The following QNG1 variants were observed in gnomAD, a reference collection of about 807,000 sequenced individuals.
QNG1 encodes the protein Q-nucleotide N-glycosylase 1.
the QNG1 span, chr9:83,956,302 A>G: frequency 6.2e-7 from 1 of 1,614,130 alleles, no homozygotes; most frequent in South Asian, 1.1e-5. Context: ...ACGAACACCC[A>G]GTTGACCGCG....
chr9:83,948,442 C>T, the QNG1 span, among the ~76,000 whole-genome samples: 1 of 143,230 alleles, frequency 7.0e-6, no homozygotes, highest in South Asian at 2.2e-4. Flanking sequence ...GGCAGCCCCC[C>T]CGCCCGGCCA....
chr9:83,948,520 G>T, the QNG1 span, among the ~76,000 whole-genome samples: 1 of 140,306 alleles, frequency 7.1e-6, no homozygotes, highest in Admixed American at 7.0e-5. Context: ...GGAGGGGGGG[G>T]GCGCCTCTGC....
chr9:83,940,969 C>A, the QNG1 span, among the ~76,000 whole-genome samples: 87 of 152,324 alleles, frequency 5.7e-4, no homozygotes, highest in African/African-American at 2.0e-3. Flanking sequence ...GAAGCCCATA[C>A]CTTCCTCTTC....
the QNG1 span, among the ~76,000 whole-genome samples, chr9:83,951,487 G>A: frequency 6.6e-6 from 1 of 152,174 alleles, no homozygotes; most frequent in Non-Finnish European, 1.5e-5. Context: ...CTAGAACCCG[G>A]GAGGCAGAGG....
At chr9:83,954,122 G>T in the QNG1 span, among the ~76,000 whole-genome samples, 1 of 152,012 alleles carries the variant, frequency 6.6e-6, no homozygotes, top group African/African-American at 2.4e-5. Context: ...TTGAGCTCCT[G>T]ACCTCAGTTG....
the QNG1 span, chr9:83,956,738 C>T: frequency 1.9e-5 from 8 of 416,706 alleles, no homozygotes; most frequent in Middle Eastern, 6.2e-4. Context: ...GCCGCAAGCA[C>T]TTCCGGGAAA....
At chr9:83,948,327 G>A in the QNG1 span, among the ~76,000 whole-genome samples, 4 of 102,118 alleles carry the variant, frequency 3.9e-5, no homozygotes, top group South Asian at 2.9e-4. Context: ...CAGCCGCCCC[G>A]TCTGGGAAGT....
the QNG1 span, among the ~76,000 whole-genome samples, chr9:83,946,932 G>A: frequency 2.0e-5 from 3 of 151,346 alleles, no homozygotes; most frequent in South Asian, 2.1e-4. Flanking sequence ...TTAGCCAGGC[G>A]TGGTGGCACG....
At chr9:83,956,384 C>G in the QNG1 span, 1 of 1,603,874 alleles carries the variant, frequency 6.2e-7, no homozygotes, top group Non-Finnish European at 8.5e-7. Context: ...CTGGCCCCGC[C>G]GCCTTGGCCA....
chr9:83,950,000 T>C, the QNG1 span, among the ~76,000 whole-genome samples: 1 of 150,544 alleles, frequency 6.6e-6, no homozygotes, highest in African/African-American at 2.4e-5. Flanking sequence ...CAAAAAGATT[T>C]AAGGGAGGAA....
chr9:83,942,376 G>T, the QNG1 span, among the ~76,000 whole-genome samples: 1 of 152,300 alleles, frequency 6.6e-6, no homozygotes, highest in African/African-American at 2.4e-5. Context: ...TGCATTGTTA[G>T]TCTTTATAAT....
the QNG1 span, among the ~76,000 whole-genome samples, chr9:83,942,545 C>T: frequency 6.6e-6 from 1 of 152,248 alleles, no homozygotes; most frequent in Admixed American, 6.5e-5. Context: ...CCATTGGAAG[C>T]CAGTTAAGGA....
chr9:83,944,677 A>T, the QNG1 span: 3 of 743,652 alleles, frequency 4.0e-6, no homozygotes, highest in South Asian at 1.9e-5. Context: ...CTTTTTACAT[A>T]TACTATGAAC....
the QNG1 span, among the ~76,000 whole-genome samples, chr9:83,952,638 C>G: frequency 6.6e-6 from 1 of 151,736 alleles, no homozygotes; most frequent in Non-Finnish European, 1.5e-5. Flanking sequence ...ACTAAAAATA[C>G]AAAAAAATTA....
the QNG1 span, among the ~76,000 whole-genome samples, chr9:83,943,228 T>C: frequency 6.8e-6 from 1 of 147,316 alleles, no homozygotes; most frequent in Non-Finnish European, 1.5e-5. Flanking sequence ...TAATCCCAAC[T>C]ACTCAGGAGG....
chr9:83,951,334 G>A, the QNG1 span, among the ~76,000 whole-genome samples: 3 of 152,190 alleles, frequency 2.0e-5, no homozygotes, highest in African/African-American at 7.2e-5. Flanking sequence ...GCCAAGGCGG[G>A]TGGATCACCT....
At chr9:83,943,217 G>T in the QNG1 span, among the ~76,000 whole-genome samples, 895 of 150,672 alleles carry the variant, frequency 5.9e-3, 8 homozygotes, top group African/African-American at 0.021. Context: ...GCATGCGCCT[G>T]TAATCCCAAC....
the QNG1 span, chr9:83,955,645 A>C: frequency 6.2e-7 from 1 of 1,606,988 alleles, no homozygotes; most frequent in South Asian, 1.1e-5. Flanking sequence ...GTATCCCTTT[A>C]GTGAAAAAAT....
the QNG1 span, among the ~76,000 whole-genome samples, chr9:83,943,070 G>C: frequency 5.3e-5 from 8 of 152,234 alleles, no homozygotes; most frequent in Admixed American, 3.3e-4. Context: ...AGCTGGGCGT[G>C]GTGGCTCACG....
Sources: allele counts gnomAD v4.1 joint callset (sites outside exome capture counted in the v4.1 genomes callset), GRCh38; gene constraint gnomAD v4.1.1; transcripts MANE v1.5; gene names NCBI Gene and HGNC (gene_info 2026-07-23, HGNC 2026-07-21).